Variants in STK32B observed in about 807,000 individuals in gnomAD.
STK32B encodes serine/threonine-protein kinase 32B.
In STK32B, 43 loss-of-function variants were observed where a neutral mutation model predicts 52.6. That is an observed-to-expected ratio of 0.82 (90% CI 0.64 to 1.05). The LOEUF is 1.05. Ranked by LOEUF, STK32B falls within the 50% of genes least tolerant of loss-of-function variation. The probability of loss-of-function intolerance (pLI) is 0.00; values close to 1 mark genes in which losing one functional copy is unlikely to be tolerated. For missense variants in STK32B, 621 were observed against 534.6 expected (o/e 1.16, Z -1.59); for synonymous variants, 238 against 204.3 (o/e 1.17, Z -1.41).
chr4:5,384,526 G>A (rs2109027290), intron 4 of STK32B, among the ~76,000 whole-genome samples: 1 of 152,280 alleles, frequency 6.6e-6, no homozygotes, highest in Admixed American at 6.5e-5. Context: ...TAGGGATTGG[G>A]GATTTAGAGG....
intron 1 of STK32B, among the ~76,000 whole-genome samples, chr4:5,059,075 T>TTTTTTTTTTTTTTTTTTTTA (rs1742120161): frequency 7.7e-6 from 1 of 130,358 alleles, no homozygotes. Flanking sequence ...TTTTTTTTTT[T>TTTTTTTTTTTTTTTTTTTTA]TTTTTTGTAG....
At chr4:5,366,826 A>G (rs1734908699) in intron 4 of STK32B, among the ~76,000 whole-genome samples, 1 of 152,162 alleles carries the variant, frequency 6.6e-6, no homozygotes, top group Admixed American at 6.5e-5. Flanking sequence ...GGTAGCTGCC[A>G]TCCGTTGCGT....
chr4:5,096,887 T>C (rs1713433225), intron 1 of STK32B, among the ~76,000 whole-genome samples: 2 of 152,206 alleles, frequency 1.3e-5, no homozygotes, highest in Admixed American at 1.3e-4. Context: ...CACTAATGTT[T>C]ATGGAGCTCC....
intron 3 of STK32B, among the ~76,000 whole-genome samples, chr4:5,301,060 A>G (rs1200788492): frequency 6.6e-6 from 1 of 152,060 alleles, no homozygotes; most frequent in Non-Finnish European, 1.5e-5. Context: ...TTTATCTTTT[A>G]TTCTATTAAT....
At chr4:5,263,256 C>T (rs369685253) in intron 3 of STK32B, among the ~76,000 whole-genome samples, 55 of 152,276 alleles carry the variant, frequency 3.6e-4, no homozygotes, top group African/African-American at 1.0e-3. Flanking sequence ...ATGTATCATC[C>T]GTGCAGTCCC....
chr4:5,433,181 G>A (rs1183456452), intron 6 of STK32B, among the ~76,000 whole-genome samples: 1 of 151,994 alleles, frequency 6.6e-6, no homozygotes, highest in African/African-American at 2.4e-5. Flanking sequence ...ATAGAAAGGA[G>A]GATAGAGAGG....
chr4:5,079,185 G>A (rs1351026785), intron 1 of STK32B, among the ~76,000 whole-genome samples: 2 of 152,030 alleles, frequency 1.3e-5, no homozygotes, highest in South Asian at 4.2e-4. Flanking sequence ...CTCCATCATT[G>A]GGCCATACAG....
intron 4 of STK32B, among the ~76,000 whole-genome samples, chr4:5,345,807 G>A (rs920302060): frequency 6.6e-6 from 1 of 152,246 alleles, no homozygotes; most frequent in East Asian, 1.9e-4. Context: ...TTTCGTGATG[G>A]AAACGTCACA....
intron 6 of STK32B, among the ~76,000 whole-genome samples, chr4:5,438,284 T>G (rs1026682532): frequency 1.3e-5 from 2 of 152,200 alleles, no homozygotes; most frequent in Non-Finnish European, 2.9e-5. Flanking sequence ...AGTGGTGGGA[T>G]CCAGGTGGGA....
intron 3 of STK32B, among the ~76,000 whole-genome samples, chr4:5,321,136 C>T (rs1202817385): frequency 1.3e-5 from 2 of 152,088 alleles, no homozygotes; most frequent in African/African-American, 2.4e-5. Flanking sequence ...AGGCAAGTTA[C>T]TCAGCTTCTC....
At chr4:5,087,354 T>C (rs2108780094) in intron 1 of STK32B, among the ~76,000 whole-genome samples, 1 of 152,008 alleles carries the variant, frequency 6.6e-6, no homozygotes, top group African/African-American at 2.4e-5. Context: ...AGAACATCTA[T>C]TTAACAAAAA....
chr4:5,420,063 C>T (rs1712495924), intron 6 of STK32B, among the ~76,000 whole-genome samples: 1 of 152,064 alleles, frequency 6.6e-6, no homozygotes, highest in Admixed American at 6.5e-5. Context: ...ATGAAATAGA[C>T]ACAAGTATTT....
At chr4:5,076,801 A>G (rs1213242179) in intron 1 of STK32B, among the ~76,000 whole-genome samples, 3 of 152,220 alleles carry the variant, frequency 2.0e-5, no homozygotes, top group African/African-American at 7.2e-5. Flanking sequence ...CAATTTCCAG[A>G]GTAGATACTG....
chr4:5,173,997 G>A (rs951428684), intron 3 of STK32B, among the ~76,000 whole-genome samples: 3 of 152,156 alleles, frequency 2.0e-5, no homozygotes, highest in Admixed American at 6.5e-5. Context: ...CCTGTATTGG[G>A]TGCATATATA....
chr4:5,222,249 G>A (rs1018265374), intron 3 of STK32B, among the ~76,000 whole-genome samples: 5 of 152,144 alleles, frequency 3.3e-5, no homozygotes, highest in East Asian at 3.9e-4. Flanking sequence ...TACCAAGAGT[G>A]GGGTGTTACT....
chr4:5,177,475 T>A (rs913695540), intron 3 of STK32B, among the ~76,000 whole-genome samples: 5 of 152,104 alleles, frequency 3.3e-5, no homozygotes, highest in Non-Finnish European at 7.4e-5. Context: ...AACCATATCA[T>A]TCTGCCCCTG....
At chr4:5,231,886 A>G (rs1724297628) in intron 3 of STK32B, among the ~76,000 whole-genome samples, 1 of 152,206 alleles carries the variant, frequency 6.6e-6, no homozygotes, top group Non-Finnish European at 1.5e-5. Flanking sequence ...AAGGATTAGC[A>G]GAGCCTTGTG....
upstream of STK32B, among the ~76,000 whole-genome samples, chr4:5,047,831 G>A (rs2108748119): frequency 6.6e-6 from 1 of 152,360 alleles, no homozygotes; most frequent in South Asian, 2.1e-4. Context: ...GGAACTGTAT[G>A]TGTGATCTTA....
At chr4:5,225,905 G>T (rs1339599560) in intron 3 of STK32B, among the ~76,000 whole-genome samples, 1 of 152,158 alleles carries the variant, frequency 6.6e-6, no homozygotes, top group African/African-American at 2.4e-5. Context: ...GGAAGCAGGA[G>T]AATTTATCCA....
Sources: gnomAD v4.1 joint callset for allele counts (sites outside exome capture counted in the v4.1 genomes callset) on GRCh38, gnomAD v4.1.1 for gene constraint, MANE v1.5 for transcripts, NCBI Gene and HGNC (gene_info 2026-07-23, HGNC 2026-07-21) for gene names.